The following GBE1 variants were observed in gnomAD, a reference collection of about 807,000 sequenced individuals.
GBE1 encodes the protein 1,4-alpha-glucan-branching enzyme.
Under a neutral mutation model 88.8 loss-of-function variants are expected in GBE1, and 70 were observed. That is an observed-to-expected ratio of 0.79 (90% CI 0.65 to 0.96). The LOEUF (loss-of-function observed/expected upper bound fraction) is 0.96, where lower values mean the gene tolerates loss of function less well. GBE1 is among the 40% of genes least tolerant of loss of function. GBE1 has a pLI of 0.00. For missense variants in GBE1, 872 were observed against 871.0 expected (o/e 1.00, Z -0.01); for synonymous variants, 284 against 300.1 (o/e 0.95, Z 0.56).
chr3:81,522,955 T>C (rs1702894313), intron 14 of GBE1, among the ~76,000 whole-genome samples: 1 of 151,488 alleles, frequency 6.6e-6, no homozygotes, highest in Admixed American at 6.6e-5. Context: ...ACATTGAGTA[T>C]TTATTTATTA....
chr3:81,757,623 T>C (rs1706621373), intron 1 of GBE1, among the ~76,000 whole-genome samples: 1 of 152,148 alleles, frequency 6.6e-6, no homozygotes, highest in South Asian at 2.1e-4. Flanking sequence ...CGGGAGTAAT[T>C]AGAAATCACT....
intron 1 of GBE1, among the ~76,000 whole-genome samples, chr3:81,745,134 T>C (rs953157124): frequency 1.3e-5 from 2 of 152,134 alleles, no homozygotes; most frequent in African/African-American, 4.8e-5. Context: ...CCAAAGAGAG[T>C]GTTAGGAATA....
chr3:81,674,941 G>T (rs1047110172), intron 2 of GBE1, among the ~76,000 whole-genome samples: 9 of 151,954 alleles, frequency 5.9e-5, no homozygotes. Context: ...AACTAGAAAG[G>T]TCTCTATCTA....
chr3:81,579,319 T>A (rs1703688929), intron 11 of GBE1, among the ~76,000 whole-genome samples: 1 of 152,100 alleles, frequency 6.6e-6, no homozygotes, highest in African/African-American at 2.4e-5. Context: ...AGAATCAAAG[T>A]ACATTTGCTT....
At chr3:81,588,573 A>G (rs1338240453) in intron 9 of GBE1, among the ~76,000 whole-genome samples, 5 of 149,406 alleles carry the variant, frequency 3.3e-5, no homozygotes, top group Non-Finnish European at 6.0e-5. Flanking sequence ...TTTTTGGATA[A>G]ACATAGAATT....
At chr3:81,547,628 TCTCTCTC>T (rs1703224116) in intron 12 of GBE1, among the ~76,000 whole-genome samples, 6 of 4,530 alleles carry the variant, frequency 1.3e-3, no homozygotes, top group African/African-American at 2.6e-3. Flanking sequence ...TCGTTTGTTC[TCTCTCTC>T]TCTCTCTCTC....
intron 14 of GBE1, among the ~76,000 whole-genome samples, chr3:81,518,804 C>T (rs924283591): frequency 1.3e-5 from 2 of 151,496 alleles, no homozygotes; most frequent in African/African-American, 4.8e-5. Flanking sequence ...TGTCTCAGCT[C>T]TCATAAAGCT....
intron 12 of GBE1, among the ~76,000 whole-genome samples, chr3:81,538,820 C>T (rs1406125254): frequency 6.6e-6 from 1 of 151,934 alleles, no homozygotes; most frequent in Non-Finnish European, 1.5e-5. Flanking sequence ...CATGAGGTAG[C>T]GATAGTATAT....
intron 14 of GBE1, chr3:81,509,584 T>TC (rs1177278295): frequency 1.3e-5 from 2 of 151,894 alleles, no homozygotes; most frequent in African/African-American, 4.8e-5. Context: ...TCCTTTTTTT[T>TC]CTCTGCCATA....
At chr3:81,672,327 G>A (rs1398637970) in intron 2 of GBE1, among the ~76,000 whole-genome samples, 4 of 151,856 alleles carry the variant, frequency 2.6e-5, no homozygotes, top group African/African-American at 9.7e-5. Flanking sequence ...ATTCCCTGAA[G>A]AATCTTTTGT....
At chr3:81,610,415 T>C (rs1704162782) in intron 7 of GBE1, among the ~76,000 whole-genome samples, 1 of 152,202 alleles carries the variant, frequency 6.6e-6, no homozygotes, top group Admixed American at 6.5e-5. Flanking sequence ...TAAAATTTTG[T>C]CCATGTTCAT....
intron 7 of GBE1, chr3:81,642,450 A>G (rs1704697158): frequency 5.1e-6 from 1 of 197,208 alleles, no homozygotes. Flanking sequence ...GTATTTCTCT[A>G]GTAAAAGGAG....
intron 3 of GBE1, among the ~76,000 whole-genome samples, chr3:81,652,714 C>A (rs557629404): frequency 1.3e-5 from 2 of 152,276 alleles, no homozygotes; most frequent in East Asian, 3.9e-4. Context: ...AGCTGTCTCA[C>A]CTTGCTTTTC....
intron 12 of GBE1, among the ~76,000 whole-genome samples, chr3:81,570,240 A>T (rs1324807992): frequency 6.6e-6 from 1 of 152,210 alleles, no homozygotes; most frequent in Non-Finnish European, 1.5e-5. Flanking sequence ...AGAAAAAAAA[A>T]TTCTTAAAGG....
intron 14 of GBE1, among the ~76,000 whole-genome samples, chr3:81,517,077 A>G (rs1342676407): frequency 6.6e-6 from 1 of 151,504 alleles, no homozygotes; most frequent in East Asian, 1.9e-4. Context: ...ATTTTGAAAG[A>G]GTTCTACTGT....
chr3:81,523,144 G>A (rs1481843101), intron 14 of GBE1, among the ~76,000 whole-genome samples: 1 of 150,556 alleles, frequency 6.6e-6, no homozygotes, highest in African/African-American at 2.4e-5. Flanking sequence ...GGGGGTCACA[G>A]TAATACACTA....
intron 7 of GBE1, among the ~76,000 whole-genome samples, chr3:81,636,187 T>C (rs1261177260): frequency 6.6e-6 from 1 of 152,188 alleles, no homozygotes; most frequent in Non-Finnish European, 1.5e-5. Context: ...CTTAATCTCT[T>C]TTACAGAAGA....
intron 15 of GBE1, among the ~76,000 whole-genome samples, chr3:81,494,792 A>G (rs1378975266): frequency 6.6e-6 from 1 of 152,202 alleles, no homozygotes; most frequent in African/African-American, 2.4e-5. Context: ...GACAACTTTA[A>G]TGACTTAATT....
chr3:81,586,765 G>C (rs1467997454), intron 9 of GBE1, among the ~76,000 whole-genome samples: 1 of 150,662 alleles, frequency 6.6e-6, no homozygotes, highest in African/African-American at 2.5e-5. Flanking sequence ...GTTTATTGAG[G>C]TGAAGGGATC....
Sources: gnomAD v4.1 joint callset for allele counts (sites outside exome capture counted in the v4.1 genomes callset) on GRCh38, gnomAD v4.1.1 for gene constraint, MANE v1.5 for transcripts, NCBI Gene and HGNC (gene_info 2026-07-23, HGNC 2026-07-21) for gene names.